NRDE2: variants seen among roughly 807,000 people sequenced by gnomAD.
The protein encoded by NRDE2 is NRDE-2, necessary for RNA interference, domain containing, also known as nuclear exosome regulator NRDE2.
NRDE2 carries 76 observed loss-of-function variants against 124.2 expected under a neutral mutation model. The observed-to-expected ratio is 0.61, with a 90% CI of 0.51 to 0.74. NRDE2 has a LOEUF of 0.74. Ranked by LOEUF, NRDE2 falls within the 30% of genes least tolerant of loss-of-function variation. The pLI, the probability that NRDE2 is intolerant of heterozygous loss-of-function variation, is 0.00. For missense variants in NRDE2, 1,314 were observed against 1,417.3 expected (o/e 0.93, Z 1.17); for synonymous variants, 489 against 528.1 (o/e 0.93, Z 1.01).
At chr14:90,303,227 T>A in intron 5 of NRDE2, 102 bp from the exon 6 acceptor site, 1 of 1,075,468 alleles carries the variant, frequency 9.3e-7, no homozygotes, top group Non-Finnish European at 1.3e-6. Flanking sequence ...GGGACTTTCT[T>A]AAACCACCAG....
intron 1 of NRDE2, among the ~76,000 whole-genome samples, chr14:90,326,030 C>G (rs1885418594): frequency 6.6e-6 from 1 of 152,112 alleles, no homozygotes. Flanking sequence ...TTTATAACAG[C>G]CAAAGACTGG....
intron 8 of NRDE2, among the ~76,000 whole-genome samples, chr14:90,294,293 T>C (rs539744569): frequency 1.4e-3 from 210 of 151,486 alleles, no homozygotes; most frequent in African/African-American, 5.0e-3. Flanking sequence ...CCGTCTGCTG[T>C]ATGGAAAACA....
At chr14:90,287,638 A>T (rs950388715) in intron 11 of NRDE2, among the ~76,000 whole-genome samples, 18 of 152,208 alleles carry the variant, frequency 1.2e-4, no homozygotes, top group African/African-American at 4.1e-4. Context: ...AAAAATAAAA[A>T]AAGAAAATAT....
At chr14:90,282,976 G>A (rs748579092) in intron 12 of NRDE2, among the ~76,000 whole-genome samples, 1 of 152,192 alleles carries the variant, frequency 6.6e-6, no homozygotes, top group Non-Finnish European at 1.5e-5. Context: ...GTATATGTAT[G>A]TGCATATGTA....
At chr14:90,330,214 A>T (rs369962239) in intron 1 of NRDE2, among the ~76,000 whole-genome samples, 5,277 of 139,178 alleles carry the variant, frequency 0.038, 116 homozygotes, top group African/African-American at 0.053. Context: ...CTCAAAAAAA[A>T]AAATAAATAA....
rs146559768 is a variant in NRDE2, at chr14:90,284,690, C to T, written c.3297+1664G>A. 7.5e-3 allele frequency among the ~76,000 whole-genome samples: 1,136 copies of T among 152,096 alleles called. 17 individuals carry two copies. The highest frequency in any genetic ancestry group is 0.026 in the African/African-American group (1,066 of 41,472). ...GGCCAGGAAGATCACTTTTGATTTC[C>T]GAAACGTACAATATTCATTGAAGAC... On this transcript the variant is annotated intron_variant, in intron 12 of 13. Transcript: ENST00000354366.
rs144111170 is a variant in NRDE2 at position 90,274,787 on chromosome 14, T to TACACACACACACACACACACAC, written c.*3527_*3548dup. The TACACACACACACACACACACAC allele has an allele frequency of 2.7e-5, 3 of 110,906 alleles. No homozygotes were observed. The highest frequency in any genetic ancestry group is 9.5e-5 in the African/African-American group (3 of 31,732). The allele number at this position is 110,906 out of a possible 1,614,324, so 6.9% of individuals were successfully genotyped here. The stretch of plus-strand genomic sequence containing the variant: ...CAGTATAGCCCTTTAAATAGGGAAC[T>TACACACACACACACACACACAC]ACACACACACACACACACACACACA... On this transcript the variant is annotated 3_prime_UTR_variant, in exon 14 of 14. Transcript: ENST00000354366.
chr14:90,271,886 G>A lies in NRDE2; in HGVS notation c.*6450C>T, dbSNP rs1391883450. 2 of 141,928 alleles carry A rather than the reference G, an allele frequency of 1.4e-5. No homozygotes were observed. Among genetic ancestry groups the A allele is most frequent in the African/African-American group, 5.0e-5 (2 of 39,652 alleles). The allele number at this position is 141,928 out of a possible 1,614,324, so 8.8% of individuals were successfully genotyped here. Reference sequence around the variant, plus strand: ...TCTAGGTGTCTCATGCTTTATTTCAGAACAGATTTTTTTTTTTTTTTTTTT... The same window carrying A: ...TCTAGGTGTCTCATGCTTTATTTCAAAACAGATTTTTTTTTTTTTTTTTTT... On this transcript the variant is annotated 3_prime_UTR_variant, in exon 14 of 14. Coordinates refer to ENST00000354366, the MANE Select transcript of NRDE2 (RefSeq NM_017970.4).
At chr14:90,309,210 T>C (rs1048505694) in intron 4 of NRDE2, among the ~76,000 whole-genome samples, 3 of 150,250 alleles carry the variant, frequency 2.0e-5, no homozygotes, top group African/African-American at 7.4e-5. Flanking sequence ...GGGAAGCAAA[T>C]GGAAGATACA....
intron 4 of NRDE2, among the ~76,000 whole-genome samples, chr14:90,307,612 G>T (rs905471939): frequency 6.6e-6 from 1 of 151,912 alleles, no homozygotes; most frequent in Non-Finnish European, 1.5e-5. Context: ...GACCTCAAGC[G>T]ATCCGCCCGC....
In NRDE2 at chr14:90,274,829, CACACACA is replaced by C. The variant is rs1297119793; in HGVS notation, c.*3500_*3506del. On this transcript the variant is annotated 3_prime_UTR_variant, in exon 14 of 14. Coordinates refer to ENST00000354366, the MANE Select transcript of NRDE2 (RefSeq NM_017970.4). ...ACACACACACACACACACACACACA[CACACACA>C]CACCCCAATACATATGAATTGATCT... 1,823 of 99,854 alleles carry C rather than the reference CACACACA, an allele frequency of 0.018. 15 individuals carry two copies. The highest frequency in any genetic ancestry group is 0.022 in the Non-Finnish European group (1,120 of 50,350). 6.2% of individuals were successfully genotyped at this position (99,854 alleles called of 1,614,324 possible). A position where few individuals can be genotyped will look rare whatever the true frequency, so the allele number is the denominator to read the frequency against.
chr14:90,308,082 G>A (rs1291905374), intron 4 of NRDE2, among the ~76,000 whole-genome samples: 1 of 152,142 alleles, frequency 6.6e-6, no homozygotes, highest in East Asian at 1.9e-4. Flanking sequence ...AAGAGTGTCT[G>A]CCATATAGTA....
chr14:90,331,126 T>C (rs8008823), intron 1 of NRDE2, among the ~76,000 whole-genome samples: 50,045 of 151,596 alleles, frequency 0.33, 8,627 homozygotes, highest in African/African-American at 0.44. Context: ...GCTATGTTGA[T>C]CATGATGGTC....
intron 3 of NRDE2, among the ~76,000 whole-genome samples, chr14:90,313,335 C>G (rs993500958): frequency 6.6e-6 from 1 of 152,046 alleles, no homozygotes; most frequent in Admixed American, 6.6e-5. Context: ...ACCATGTTAG[C>G]CAGGGTGGTC....
In NRDE2 at chr14:90,303,006, C is replaced by G; in HGVS notation, c.1125G>C (p.Glu375Asp). ...KKLAILERAIESNQSSVDLKL... is the reference protein window; with the variant it reads ...KKLAILERAIDSNQSSVDLKL... ...TCAGATCCACACTGCTCTGGTTGCTCTCAATGGCCCGCTCCAGAATGGCCA... is the reference window on the plus strand; with the variant it reads ...TCAGATCCACACTGCTCTGGTTGCTGTCAATGGCCCGCTCCAGAATGGCCA... Residue 375 changes from glutamate to aspartate, a missense_variant, in exon 6 of 14, where the codon GAG becomes GAC. Coordinates refer to ENST00000354366, the MANE Select transcript of NRDE2 (RefSeq NM_017970.4). 1.2e-6 allele frequency: 2 copies of G among 1,614,056 alleles called. No individual in the cohort carries two copies. Among genetic ancestry groups the G allele is most frequent in the Non-Finnish European group, 1.7e-6 (2 of 1,180,038 alleles).
chr14:90,303,846 T>C (rs1298589716), intron 5 of NRDE2, 89 bp downstream of exon 5: 2 of 1,198,522 alleles, frequency 1.7e-6, no homozygotes, highest in Non-Finnish European at 2.4e-6. Context: ...AATTTCCTCA[T>C]TTGCTCAAAA....
chr14:90,316,879 A>G (rs1885068856), intron 2 of NRDE2, 68 bp from the exon 3 acceptor site: 2 of 1,015,046 alleles, frequency 2.0e-6, no homozygotes, highest in African/African-American at 3.2e-5. Context: ...CTATGTAAAT[A>G]AGTCAACAAA....
chr14:90,327,042 T>G (rs769813870), intron 1 of NRDE2, among the ~76,000 whole-genome samples: 1 of 152,232 alleles, frequency 6.6e-6, no homozygotes, highest in Non-Finnish European at 1.5e-5. Flanking sequence ...TCTTCCTGGT[T>G]CCATCCACTG....
intron 7 of NRDE2, among the ~76,000 whole-genome samples, chr14:90,299,245 T>A (rs1884298089): frequency 6.6e-6 from 1 of 151,970 alleles, no homozygotes; most frequent in South Asian, 2.1e-4. Flanking sequence ...ACAGGGTTTC[T>A]CCACGTTGGT....
Sources: gnomAD v4.1 joint callset for allele counts (sites outside exome capture counted in the v4.1 genomes callset) on GRCh38, gnomAD v4.1.1 for gene constraint, MANE v1.5 for transcripts, NCBI Gene and HGNC (gene_info 2026-07-23, HGNC 2026-07-21) for gene names.